Variants in POU2F1 observed in about 807,000 individuals in gnomAD.
POU2F1 encodes POU class 2 homeobox 1.
In POU2F1, 16 loss-of-function variants were observed where a neutral mutation model predicts 84.9. The ratio of observed to expected loss-of-function variants is 0.19; its 90% CI spans 0.13 to 0.29. POU2F1 has a LOEUF of 0.29. Ranked by LOEUF, POU2F1 falls within the 10% of genes least tolerant of loss-of-function variation. The pLI, the probability that POU2F1 is intolerant of heterozygous loss-of-function variation, is 1.00. For missense variants in POU2F1, 738 were observed against 942.6 expected (o/e 0.78, Z 2.84); for synonymous variants, 368 against 368.3 (o/e 1.00, Z 0.01).
intron 2 of POU2F1, among the ~76,000 whole-genome samples, chr1:167,357,162 G>A (rs997661545): frequency 5.9e-5 from 9 of 152,082 alleles, no homozygotes; most frequent in South Asian, 2.1e-4. Flanking sequence ...GTGGGCAAGG[G>A]AAGAGCCCTC....
chr1:167,405,521 A>G (rs1649511032), intron 13 of POU2F1, among the ~76,000 whole-genome samples: 1 of 151,914 alleles, frequency 6.6e-6, no homozygotes, highest in African/African-American at 2.4e-5. Flanking sequence ...CTACAAAAAA[A>G]AAAAAAAATG....
At chr1:167,288,142 A>C (rs966161403) in intron 1 of POU2F1, among the ~76,000 whole-genome samples, 2 of 152,238 alleles carry the variant, frequency 1.3e-5, no homozygotes, top group Non-Finnish European at 1.5e-5. Flanking sequence ...CTCAGAAGGA[A>C]AGACTGAAAT....
chr1:167,236,395 C>G (rs955063877), intron 1 of POU2F1, among the ~76,000 whole-genome samples: 2 of 152,068 alleles, frequency 1.3e-5, no homozygotes, highest in African/African-American at 4.8e-5. Flanking sequence ...GCCACCGCGC[C>G]CGGCCGACAT....
At chr1:167,283,496 G>A (rs1653309897) in intron 1 of POU2F1, among the ~76,000 whole-genome samples, 1 of 152,180 alleles carries the variant, frequency 6.6e-6, no homozygotes. Flanking sequence ...TGGTTGGGTA[G>A]ATAGATAAAT....
chr1:167,304,735 A>T (rs1403874930), intron 1 of POU2F1, among the ~76,000 whole-genome samples: 1 of 152,224 alleles, frequency 6.6e-6, no homozygotes, highest in South Asian at 2.1e-4. Flanking sequence ...ATCGTAAACT[A>T]TGTTGAAGTT....
chr1:167,315,409 ACAG>A (rs1272539812), intron 1 of POU2F1, among the ~76,000 whole-genome samples: 1 of 152,162 alleles, frequency 6.6e-6, no homozygotes, highest in African/African-American at 2.4e-5. Flanking sequence ...ACGAATGTTT[ACAG>A]CAGGTTTATT....
At chr1:167,328,079 T>C (rs2101717382) in intron 1 of POU2F1, among the ~76,000 whole-genome samples, 1 of 152,298 alleles carries the variant, frequency 6.6e-6, no homozygotes, top group African/African-American at 2.4e-5. Context: ...ATTATATATA[T>C]GTATGTATGT....
At chr1:167,392,390 T>C (rs1648487505) in intron 9 of POU2F1, among the ~76,000 whole-genome samples, 2 of 150,754 alleles carry the variant, frequency 1.3e-5, no homozygotes, top group Non-Finnish European at 3.0e-5. Flanking sequence ...AAGCTAAACA[T>C]AGAACTAGAT....
chr1:167,279,818 T>G (rs914560416), intron 1 of POU2F1, among the ~76,000 whole-genome samples: 76 of 152,150 alleles, frequency 5.0e-4, no homozygotes, highest in African/African-American at 1.7e-3. Context: ...GCAAGCAGGT[T>G]TACTTGTCTA....
intron 7 of POU2F1, chr1:167,380,087 T>C (rs1647403938): frequency 6.6e-6 from 1 of 152,216 alleles, no homozygotes; most frequent in Non-Finnish European, 1.5e-5. Flanking sequence ...AAAAAAAGTT[T>C]TACTACCCTA....
In POU2F1 at chr1:167,424,097, A is replaced by G. The variant is rs1055753793; in HGVS notation, c.*8287A>G. 1.3e-5 allele frequency: 2 copies of G among 152,268 alleles called. No homozygotes were observed. The highest frequency in any genetic ancestry group is 2.9e-5 in the Non-Finnish European group (2 of 68,072). The allele number at this position is 152,268 out of a possible 1,614,324, so 9.4% of individuals were successfully genotyped here. On this transcript the variant is annotated 3_prime_UTR_variant, in exon 16 of 16. Transcript: ENST00000367866. Reference sequence around the variant, plus strand: ...GCTACAAAAGGCTGTAGTTGTAGGCAGTCGGGGATGCCATGTCCTTGGTTC... The same window carrying G: ...GCTACAAAAGGCTGTAGTTGTAGGCGGTCGGGGATGCCATGTCCTTGGTTC...
At chr1:167,407,709 T>C (rs1220426697) in intron 13 of POU2F1, among the ~76,000 whole-genome samples, 1 of 151,968 alleles carries the variant, frequency 6.6e-6, no homozygotes, top group Non-Finnish European at 1.5e-5. Flanking sequence ...GAAAGAGGAA[T>C]AGAGGAATTT....
At chr1:167,394,067 G>A (rs550480162) in intron 9 of POU2F1, among the ~76,000 whole-genome samples, 12 of 151,922 alleles carry the variant, frequency 7.9e-5, no homozygotes. Context: ...CACCCAGGCT[G>A]GAGTGCAGTG....
intron 1 of POU2F1, among the ~76,000 whole-genome samples, chr1:167,284,798 T>C (rs1292960191): frequency 6.6e-6 from 1 of 152,206 alleles, no homozygotes; most frequent in Non-Finnish European, 1.5e-5. Flanking sequence ...AGTGGTAGAC[T>C]TTCTACTTTT....
intron 1 of POU2F1, among the ~76,000 whole-genome samples, chr1:167,295,229 G>T (rs1157543834): frequency 6.6e-6 from 1 of 152,094 alleles, no homozygotes; most frequent in East Asian, 1.9e-4. Context: ...GCCTACACAT[G>T]CATGTTTATT....
At chr1:167,235,695 C>T (rs887240999) in intron 1 of POU2F1, among the ~76,000 whole-genome samples, 1 of 152,180 alleles carries the variant, frequency 6.6e-6, no homozygotes, top group Admixed American at 6.5e-5. Context: ...TATATACTTG[C>T]TGTTTTTCCC....
At chr1:167,339,920 C>G (rs542550529) in intron 2 of POU2F1, among the ~76,000 whole-genome samples, 1 of 152,260 alleles carries the variant, frequency 6.6e-6, no homozygotes, top group South Asian at 2.1e-4. Context: ...GTGATTTAAA[C>G]ATTTTACATA....
intron 1 of POU2F1, among the ~76,000 whole-genome samples, chr1:167,278,822 A>AAATTCTATTAAATTTAATAG (rs1348821571): frequency 2.6e-5 from 4 of 151,940 alleles, no homozygotes; most frequent in African/African-American, 9.7e-5. Context: ...GAATTTAATA[A>AAATTCTATTAAATTTAATAG]AATTCTATTT....
At chr1:167,322,169 G>T (rs746778106) in intron 1 of POU2F1, among the ~76,000 whole-genome samples, 1 of 152,092 alleles carries the variant, frequency 6.6e-6, no homozygotes, top group Non-Finnish European at 1.5e-5. Flanking sequence ...ACATTTATCA[G>T]TAATTTGATT....
Sources: gnomAD v4.1 joint callset for allele counts (sites outside exome capture counted in the v4.1 genomes callset) on GRCh38, gnomAD v4.1.1 for gene constraint, MANE v1.5 for transcripts, NCBI Gene and HGNC (gene_info 2026-07-23, HGNC 2026-07-21) for gene names.